The following RAC1 variants were observed in gnomAD, a reference collection of about 807,000 sequenced individuals.
RAC1 encodes ras-related C3 botulinum toxin substrate 1.
A neutral mutation model predicts 25.2 loss-of-function variants in RAC1; 2 were observed. The ratio of observed to expected loss-of-function variants is 0.08; its 90% CI spans 0.03 to 0.25. The LOEUF (loss-of-function observed/expected upper bound fraction) is 0.25. RAC1 is among the 10% of genes least tolerant of loss of function. The pLI is 1.00. For missense variants in RAC1, 50 were observed against 235.7 expected (o/e 0.21, Z 5.16); for synonymous variants, 88 against 94.0 (o/e 0.94, Z 0.37).
intron 3 of RAC1, 97 bp from the exon 4 acceptor site, chr7:6,400,029 C>T (rs1380318093): frequency 1.9e-5 from 21 of 1,090,014 alleles, no homozygotes; most frequent in Middle Eastern, 2.0e-4. Flanking sequence ...ACACGCTCTG[C>T]GTCCAACAAG....
chr7:6,385,746 G>A (rs779899418), intron 1 of RAC1, among the ~76,000 whole-genome samples: 5 of 152,132 alleles, frequency 3.3e-5, no homozygotes, highest in Admixed American at 6.6e-5. Flanking sequence ...ATGGAAAAGC[G>A]CTTAACTTTA....
In RAC1 at chr7:6,394,947, T is replaced by C. The variant is rs36105790; in HGVS notation, c.225+2906T>C. Among the ~76,000 whole-genome samples, 326 of 152,258 alleles carry C rather than the reference T, an allele frequency of 2.1e-3. 2 individuals carry two copies. Among genetic ancestry groups the C allele is most frequent in the African/African-American group, 6.9e-3 (287 of 41,556 alleles). On this transcript the variant is annotated intron_variant, in intron 3 of 5. Coordinates refer to ENST00000348035, the MANE Select transcript of RAC1 (RefSeq NM_006908.5). Reference sequence around the variant, plus strand: ...TTGGCTCACTGCAAGCTTCACCTCCTGGGTTCACGCCATTCTCCTGCCTCA... The same window carrying C: ...TTGGCTCACTGCAAGCTTCACCTCCCGGGTTCACGCCATTCTCCTGCCTCA...
At chr7:6,382,085 G>A (rs974183754) in intron 1 of RAC1, among the ~76,000 whole-genome samples, 12 of 151,966 alleles carry the variant, frequency 7.9e-5, no homozygotes, top group Admixed American at 5.9e-4. Context: ...CCTCTACCCC[G>A]TGGCCTCAAG....
At chr7:6,398,393 A>G (rs1250742792) in intron 3 of RAC1, among the ~76,000 whole-genome samples, 1 of 152,120 alleles carries the variant, frequency 6.6e-6, no homozygotes, top group African/African-American at 2.4e-5. Context: ...GGGTGCTGCC[A>G]TGGGAGGAGG....
rs1310344413 is a variant in RAC1, at chr7:6,400,106, C to G, written c.226-20C>G. Reference sequence around the variant, plus strand: ...TCTAAGGTTGTTGTCTAAATGTTTCCCTGTGTTTCCTTTTTGTAGGATGTG... The same window carrying G: ...TCTAAGGTTGTTGTCTAAATGTTTCGCTGTGTTTCCTTTTTGTAGGATGTG... On this transcript the variant is annotated intron_variant, in intron 3 of 5. Transcript: ENST00000348035. 6.3e-7 allele frequency: 1 copy of G among 1,599,108 alleles called. No homozygotes were observed. Among genetic ancestry groups the G allele is most frequent in the South Asian group, 1.1e-5 (1 of 90,768 alleles).
Position 6,390,921 on chromosome 7 carries a change from G to A in RAC1, c.108-1003G>A, listed in dbSNP as rs551587464. On this transcript the variant is annotated intron_variant, in intron 2 of 5. Coordinates refer to ENST00000348035, the MANE Select transcript of RAC1 (RefSeq NM_006908.5). ...CTTCTTCTTCTTTTTTCTTGAGACC[G>A]AGTTTCGCACTTGTTGCCCAGGCCG... 3.8e-4 allele frequency among the ~76,000 whole-genome samples: 57 copies of A among 151,948 alleles called. 1 individual carries two copies. In the South Asian group the frequency reaches 0.011, roughly 30 times the overall value.
chr7:6,402,569 T>C lies in RAC1; in HGVS notation c.*123T>C. 1.1e-6 allele frequency: 1 copy of C among 943,052 alleles called. No individual in the cohort carries two copies. Among genetic ancestry groups the C allele is most frequent in the Non-Finnish European group, 1.4e-6 (1 of 713,698 alleles). 58.4% of individuals were successfully genotyped at this position (943,052 alleles called of 1,614,324 possible). On this transcript the variant is annotated 3_prime_UTR_variant, in exon 6 of 6. Coordinates refer to ENST00000348035, the MANE Select transcript of RAC1 (RefSeq NM_006908.5). The stretch of plus-strand genomic sequence containing the variant: ...TGGAGCCTTCGCACTCAATGCCAAC[T>C]TTTTGTTACAGATTAATTTTTCCAT...
intron 3 of RAC1, among the ~76,000 whole-genome samples, 178 bp downstream of exon 3, chr7:6,392,219 T>G (rs916472983): frequency 6.6e-5 from 10 of 152,176 alleles, no homozygotes; most frequent in Admixed American, 2.6e-4. Flanking sequence ...CCCAGGGGTT[T>G]TGTGTTTTGA....
In RAC1 at chr7:6,387,069, G is replaced by A. The variant is rs190010875; in HGVS notation, c.36-143G>A. 533 of 568,618 alleles carry A rather than the reference G, an allele frequency of 9.4e-4. 5 individuals are homozygous for A. Among genetic ancestry groups the A allele is most frequent in the Middle Eastern group, 6.0e-3 (13 of 2,162 alleles). 35.2% of individuals were successfully genotyped at this position (568,618 alleles called of 1,614,324 possible). Reference sequence around the variant, plus strand: ...TACCAATGTGTATGTGGTGATAAAGGGTTATAGAAAACATTTTCTTTAATG... The same window carrying A: ...TACCAATGTGTATGTGGTGATAAAGAGTTATAGAAAACATTTTCTTTAATG... On this transcript the variant is annotated intron_variant, in intron 1 of 5. Transcript: ENST00000348035.
At chr7:6,396,250 C>T (rs73055502) in intron 3 of RAC1, among the ~76,000 whole-genome samples, 2,129 of 152,220 alleles carry the variant, frequency 0.014, 33 homozygotes, top group South Asian at 0.028. Flanking sequence ...GGTGCCCTCT[C>T]AGGTCCTCTT....
Position 6,400,119 on chromosome 7 carries a change from T to G in RAC1, c.226-7T>G, listed in dbSNP as rs201681315. On this transcript the variant is annotated splice_region_variant and splice_polypyrimidine_tract_variant and intron_variant, in intron 3 of 5. Coordinates refer to ENST00000348035, the MANE Select transcript of RAC1 (RefSeq NM_006908.5). The stretch of plus-strand genomic sequence containing the variant: ...TCTAAATGTTTCCCTGTGTTTCCTT[T>G]TTGTAGGATGTGTTCTTAATTTGCT... The G allele has an allele frequency of 6.2e-7, 1 of 1,608,334 alleles. No homozygotes were observed. Among genetic ancestry groups the G allele is most frequent in the Non-Finnish European group, 8.5e-7 (1 of 1,175,030 alleles).
At chr7:6,386,799 A>G (rs1277534407) in intron 1 of RAC1, among the ~76,000 whole-genome samples, 1 of 151,434 alleles carries the variant, frequency 6.6e-6, no homozygotes, top group South Asian at 2.1e-4. Context: ...AAAAAAAAAA[A>G]AAAAAGAAAA....
chr7:6,400,488 C>T (rs923004959), intron 4 of RAC1, among the ~76,000 whole-genome samples: 1 of 151,928 alleles, frequency 6.6e-6, no homozygotes, highest in East Asian at 1.9e-4. Flanking sequence ...CACCACCATG[C>T]GTGGCTAATC....
chr7:6,387,323 G>C (rs3729790), intron 2 of RAC1, 40 bp downstream of exon 2: 1 of 1,345,744 alleles, frequency 7.4e-7, no homozygotes, highest in African/African-American at 1.5e-5. Context: ...TTTGTGTTAC[G>C]GGTTTCACAT....
Position 6,403,362 on chromosome 7 carries a change from C to T in RAC1, c.*916C>T, listed in dbSNP as rs1490425151. 2 of 210,598 alleles carry T rather than the reference C, an allele frequency of 9.5e-6. No homozygotes were observed. Among genetic ancestry groups the T allele is most frequent in the Non-Finnish European group, 1.9e-5 (2 of 103,672 alleles). 13.0% of individuals were successfully genotyped at this position (210,598 alleles called of 1,614,324 possible). A position where few individuals can be genotyped will look rare whatever the true frequency, so the allele number is the denominator to read the frequency against. On this transcript the variant is annotated 3_prime_UTR_variant, in exon 6 of 6. Transcript: ENST00000348035. Reference sequence around the variant, plus strand: ...GCCTCCCCAAATTGGGCATTTAATTCATCTTTAAACTGGTTGTTCTGTTAG... The same window carrying T: ...GCCTCCCCAAATTGGGCATTTAATTTATCTTTAAACTGGTTGTTCTGTTAG...
intron 3 of RAC1, among the ~76,000 whole-genome samples, chr7:6,395,919 C>T (rs1783224595): frequency 6.6e-6 from 1 of 152,158 alleles, no homozygotes; most frequent in South Asian, 2.1e-4. Flanking sequence ...CTCAGCTGTC[C>T]AGATGCCCGC....
At chr7:6,384,713 TC>T in intron 1 of RAC1, among the ~76,000 whole-genome samples, 1 of 151,156 alleles carries the variant, frequency 6.6e-6, no homozygotes, top group South Asian at 2.1e-4. Context: ...TCAGCGATCC[TC>T]CCACCTCAGG....
At chr7:6,392,091 C>T (rs189927515) in intron 3 of RAC1, 50 bp downstream of exon 3, 139 of 1,609,486 alleles carry the variant, frequency 8.6e-5, no homozygotes, top group Admixed American at 2.2e-4. Context: ...ATATAATTCT[C>T]GAGCGCTTAA....
chr7:6,376,676 T>A (rs980353101), intron 1 of RAC1, among the ~76,000 whole-genome samples: 2 of 134,984 alleles, frequency 1.5e-5, no homozygotes, highest in African/African-American at 2.7e-5. Flanking sequence ...TAATTTGTTT[T>A]TTTTTTTTTT....
Sources: allele counts gnomAD v4.1 joint callset (sites outside exome capture counted in the v4.1 genomes callset), GRCh38; gene constraint gnomAD v4.1.1; transcripts MANE v1.5; gene names NCBI Gene and HGNC (gene_info 2026-07-23, HGNC 2026-07-21).